Variants in ATE1 observed in about 807,000 individuals in gnomAD.
ATE1 encodes arginyltransferase 1, also known as arginyl-tRNA--protein transferase 1.
ATE1 carries 36 observed loss-of-function variants against 70.5 expected under a neutral mutation model. The observed-to-expected ratio is 0.51, with a 90% confidence interval of 0.39 to 0.67. ATE1 has a LOEUF of 0.67. Among genes scored for constraint, ATE1 ranks in the 30% least tolerant of loss-of-function variants. The pLI is 0.00. For missense variants in ATE1, 593 were observed against 629.5 expected (o/e 0.94, Z 0.62); for synonymous variants, 232 against 219.3 (o/e 1.06, Z -0.51).
intron 11 of ATE1, among the ~76,000 whole-genome samples, chr10:121,758,801 T>C (rs1417918603): frequency 1.3e-5 from 2 of 152,228 alleles, no homozygotes; most frequent in Non-Finnish European, 2.9e-5. Flanking sequence ...ATATCTGTTA[T>C]GGTGATCTAT....
At chr10:121,827,350 C>A (rs1001089029) in intron 10 of ATE1, among the ~76,000 whole-genome samples, 2 of 152,060 alleles carry the variant, frequency 1.3e-5, no homozygotes, top group African/African-American at 4.8e-5. Context: ...AGAGAAAATT[C>A]TTTTCTGATT....
chr10:121,840,303 C>T (rs1433009253), intron 9 of ATE1, among the ~76,000 whole-genome samples: 2 of 152,094 alleles, frequency 1.3e-5, no homozygotes. Flanking sequence ...TACTTTGATT[C>T]ATTTACACCG....
chr10:121,853,628 T>C (rs758784144), intron 8 of ATE1, among the ~76,000 whole-genome samples: 6 of 152,058 alleles, frequency 3.9e-5, no homozygotes, highest in Non-Finnish European at 7.4e-5. Context: ...TGTGTAATTA[T>C]TAAATAGAAC....
chr10:121,892,031 CTG>C (rs1950596648), intron 7 of ATE1, among the ~76,000 whole-genome samples: 1 of 152,104 alleles, frequency 6.6e-6, no homozygotes, highest in African/African-American at 2.4e-5. Context: ...ACGTAGAAAA[CTG>C]TAGTCATGTA....
intron 10 of ATE1, among the ~76,000 whole-genome samples, chr10:121,808,311 G>A (rs1228295987): frequency 6.6e-6 from 1 of 152,150 alleles, no homozygotes; most frequent in African/African-American, 2.4e-5. Flanking sequence ...ATATCAAGCT[G>A]GGCAAGATTT....
At chr10:121,856,839 G>GT (rs1230339176) in intron 8 of ATE1, among the ~76,000 whole-genome samples, 1 of 152,162 alleles carries the variant, frequency 6.6e-6, no homozygotes, top group East Asian at 1.9e-4. Context: ...GCAACGAAGC[G>GT]TAACAAAATG....
At chr10:121,830,977 A>G (rs1948213048) in intron 10 of ATE1, among the ~76,000 whole-genome samples, 1 of 152,182 alleles carries the variant, frequency 6.6e-6, no homozygotes. Flanking sequence ...CTAAGTTGTG[A>G]TCATGTTTCC....
At chr10:121,856,898 C>T (rs955448346) in intron 8 of ATE1, among the ~76,000 whole-genome samples, 19 of 152,204 alleles carry the variant, frequency 1.2e-4, no homozygotes, top group Non-Finnish European at 2.8e-4. Flanking sequence ...TTCAACTGAA[C>T]TTCCAAAACT....
At chr10:121,779,388 C>G (rs1196137351) in intron 11 of ATE1, among the ~76,000 whole-genome samples, 1 of 152,198 alleles carries the variant, frequency 6.6e-6, no homozygotes, top group African/African-American at 2.4e-5. Context: ...CTGCTCAAAT[C>G]TCTTACCTCT....
chr10:121,743,915 CCTTT>C, intron 11 of ATE1, 57 bp from the exon 12 acceptor site: 3 of 1,169,450 alleles, frequency 2.6e-6, no homozygotes, highest in Non-Finnish European at 2.2e-6. Context: ...CTTTTTGTTT[CCTTT>C]TTTTTTTTTT....
At chr10:121,798,184 T>A (rs1946733730) in intron 10 of ATE1, among the ~76,000 whole-genome samples, 2 of 152,202 alleles carry the variant, frequency 1.3e-5, no homozygotes, top group Admixed American at 1.3e-4. Context: ...TCTTATTATA[T>A]AAGAATAGTT....
At chr10:121,765,752 T>C (rs532529859) in intron 11 of ATE1, among the ~76,000 whole-genome samples, 5 of 152,302 alleles carry the variant, frequency 3.3e-5, no homozygotes, top group East Asian at 1.9e-4. Flanking sequence ...AATAAGAATA[T>C]ACAAAATAAC....
At chr10:121,838,118 C>CT (rs1490641537) in intron 9 of ATE1, among the ~76,000 whole-genome samples, 1 of 152,176 alleles carries the variant, frequency 6.6e-6, no homozygotes, top group Admixed American at 6.5e-5. Flanking sequence ...CCTTGGATGA[C>CT]TGCAGCAGCT....
At chr10:121,875,657 GTGGTATCC>G (rs1441106857) in intron 7 of ATE1, among the ~76,000 whole-genome samples, 1 of 152,070 alleles carries the variant, frequency 6.6e-6, no homozygotes, top group African/African-American at 2.4e-5. Context: ...CCTTCCCCAG[GTGGTATCC>G]TGTGGCACGG....
At chr10:121,745,207 C>T (rs1031783250) in intron 11 of ATE1, among the ~76,000 whole-genome samples, 1 of 152,226 alleles carries the variant, frequency 6.6e-6, no homozygotes, top group African/African-American at 2.4e-5. Flanking sequence ...AATAATGTTA[C>T]AGTATCTACT....
chr10:121,752,602 T>C (rs758193814), intron 11 of ATE1, among the ~76,000 whole-genome samples: 43 of 152,172 alleles, frequency 2.8e-4, no homozygotes, highest in Non-Finnish European at 5.1e-4. Context: ...TGGTGTGAAG[T>C]AGGGGGCCAA....
At chr10:121,755,885 C>T (rs149711459) in intron 11 of ATE1, among the ~76,000 whole-genome samples, 6 of 152,250 alleles carry the variant, frequency 3.9e-5, no homozygotes, top group African/African-American at 9.6e-5. Flanking sequence ...CATATCATTC[C>T]GCCTCTGGCT....
chr10:121,786,771 C>A (rs1394558533), intron 11 of ATE1, among the ~76,000 whole-genome samples: 1 of 151,986 alleles, frequency 6.6e-6, no homozygotes, highest in Non-Finnish European at 1.5e-5. Context: ...TAAGAAGTAA[C>A]ACAAAGTATT....
intron 8 of ATE1, among the ~76,000 whole-genome samples, chr10:121,856,338 T>C (rs923574310): frequency 6.6e-6 from 1 of 151,638 alleles, no homozygotes; most frequent in African/African-American, 2.4e-5. Context: ...GAGACCAGCC[T>C]GGCCAAAAAG....
Sources: gnomAD v4.1 joint callset for allele counts (sites outside exome capture counted in the v4.1 genomes callset) on GRCh38, gnomAD v4.1.1 for gene constraint, MANE v1.5 for transcripts, NCBI Gene and HGNC (gene_info 2026-07-23, HGNC 2026-07-21) for gene names.